Variants in ARHGAP18 observed in about 807,000 individuals in gnomAD.
ARHGAP18 encodes Rho GTPase activating protein 18.
ARHGAP18 carries 67 observed loss-of-function variants against 86.2 expected under a neutral mutation model. The ratio of observed to expected loss-of-function variants is 0.78; its 90% CI spans 0.64 to 0.95. The LOEUF is 0.95. ARHGAP18 is among the 40% of genes least tolerant of loss of function. The probability of loss-of-function intolerance (pLI) is 0.00; values close to 1 mark genes in which losing one functional copy is unlikely to be tolerated. For synonymous variants in ARHGAP18, 283 were observed against 280.4 expected, an observed-to-expected ratio of 1.01 and a Z score of -0.09; for missense variants, 691 against 780.4, an observed-to-expected ratio of 0.89 and a Z score of 1.37.
At chr6:129,643,488 C>T (rs1325897816) in intron 1 of ARHGAP18, among the ~76,000 whole-genome samples, 1 of 152,158 alleles carries the variant, frequency 6.6e-6, no homozygotes, top group Non-Finnish European at 1.5e-5. Flanking sequence ...CTGAGGCTTC[C>T]CCAGCCATAC....
chr6:129,628,305 C>T (rs949518181), intron 5 of ARHGAP18, among the ~76,000 whole-genome samples: 2 of 152,032 alleles, frequency 1.3e-5, no homozygotes, highest in Admixed American at 6.6e-5. Flanking sequence ...GAAGCAATTA[C>T]GGAAGACTGT....
At chr6:129,585,841 C>T (rs1222723731) in intron 12 of ARHGAP18, among the ~76,000 whole-genome samples, 2 of 152,192 alleles carry the variant, frequency 1.3e-5, no homozygotes, top group Non-Finnish European at 2.9e-5. Flanking sequence ...CAATTCCAAG[C>T]CCCCAATTCC....
chr6:129,673,803 G>A (rs1774182296), intron 1 of ARHGAP18, among the ~76,000 whole-genome samples: 1 of 151,962 alleles, frequency 6.6e-6, no homozygotes, highest in Non-Finnish European at 1.5e-5. Flanking sequence ...TATTCTTTTA[G>A]GTTATTTTAT....
At chr6:129,592,667 C>A (rs1348490837) in intron 12 of ARHGAP18, among the ~76,000 whole-genome samples, 1 of 151,992 alleles carries the variant, frequency 6.6e-6, no homozygotes, top group African/African-American at 2.4e-5. Context: ...CACTCTGTAC[C>A]CTCACTCTCA....
intron 1 of ARHGAP18, among the ~76,000 whole-genome samples, chr6:129,694,291 G>A (rs1774576853): frequency 6.6e-6 from 1 of 152,152 alleles, no homozygotes; most frequent in Non-Finnish European, 1.5e-5. Context: ...AAATTGCCTA[G>A]GTCTAAATCT....
chr6:129,625,879 TTTATATA>T (rs1270123008), intron 5 of ARHGAP18, among the ~76,000 whole-genome samples: 543 of 70,098 alleles, frequency 7.7e-3, no homozygotes, highest in African/African-American at 0.031. Flanking sequence ...ATATTATATA[TTTATATA>T]TTATATATTA....
In ARHGAP18 at chr6:129,704,520, T is replaced by C. The variant is rs73594423; in HGVS notation, c.113+5504A>G. On this transcript the variant is annotated intron_variant, in intron 1 of 14. Coordinates refer to ENST00000368149, the MANE Select transcript of ARHGAP18 (RefSeq NM_033515.3). ...TTACCCCAGCCCCCTTATGCCCCTC[T>C]GCAAGTCCTCCCTATCTAAATTAAT... 1.2e-3 allele frequency among the ~76,000 whole-genome samples: 185 copies of C among 152,242 alleles called. 1 individual carries two copies. The highest frequency in any genetic ancestry group is 4.3e-3 in the African/African-American group (180 of 41,526).
intron 1 of ARHGAP18, among the ~76,000 whole-genome samples, chr6:129,679,553 C>G (rs1439880092): frequency 6.6e-6 from 1 of 152,196 alleles, no homozygotes; most frequent in Admixed American, 6.5e-5. Context: ...GGAATACAGA[C>G]AAACACACAT....
chr6:129,634,166 G>T, intron 3 of ARHGAP18, 61 bp from the exon 4 acceptor site: 1 of 1,455,056 alleles, frequency 6.9e-7, no homozygotes, highest in East Asian at 2.3e-5. Context: ...AAATGGTACT[G>T]TAAATAATTT....
At chr6:129,620,795 G>C (rs1056440649) in intron 5 of ARHGAP18, among the ~76,000 whole-genome samples, 1 of 152,072 alleles carries the variant, frequency 6.6e-6, no homozygotes, top group East Asian at 1.9e-4. Context: ...GACCATTGGG[G>C]GTATCCAATA....
intron 1 of ARHGAP18, among the ~76,000 whole-genome samples, chr6:129,664,795 A>G (rs1205444540): frequency 1.3e-5 from 2 of 152,202 alleles, no homozygotes; most frequent in Non-Finnish European, 2.9e-5. Flanking sequence ...AAGATGTATA[A>G]CCAGTCAGGT....
intron 5 of ARHGAP18, among the ~76,000 whole-genome samples, chr6:129,625,037 T>G (rs1467073422): frequency 8.6e-5 from 5 of 58,408 alleles, no homozygotes; most frequent in African/African-American, 2.9e-4. Flanking sequence ...TGATATATAT[T>G]TATATAATAT....
intron 14 of ARHGAP18, among the ~76,000 whole-genome samples, chr6:129,578,920 C>T (rs558532851): frequency 4.6e-5 from 7 of 151,894 alleles, no homozygotes; most frequent in Non-Finnish European, 7.4e-5. Flanking sequence ...GCTGAGATTG[C>T]GCCACTGCAC....
At chr6:129,703,935 T>C (rs1365570117) in intron 1 of ARHGAP18, among the ~76,000 whole-genome samples, 1 of 152,084 alleles carries the variant, frequency 6.6e-6, no homozygotes, top group Non-Finnish European at 1.5e-5. Context: ...CACAATTGCA[T>C]TATAAAAACT....
intron 1 of ARHGAP18, among the ~76,000 whole-genome samples, chr6:129,650,184 A>G (rs1393101776): frequency 1.3e-5 from 2 of 151,258 alleles, no homozygotes; most frequent in Admixed American, 1.3e-4. Flanking sequence ...TAGGCCTCCC[A>G]AAGTGCTGAG....
rs1241738137 is a variant in ARHGAP18 at position 129,584,156 on chromosome 6, G to C, written c.1714-44C>G. ...ACTGGAACAAAGCTGGCAGCAGCTG[G>C]AACGTGTAACTCTACAATGCATTAT... On this transcript the variant is annotated intron_variant, in intron 12 of 14. Coordinates refer to ENST00000368149, the MANE Select transcript of ARHGAP18 (RefSeq NM_033515.3). The C allele has an allele frequency of 2.5e-6, 4 of 1,610,944 alleles. No homozygotes were observed. The Admixed American group carries it at 6.7e-5, about 27-fold the overall frequency.
rs79446184 is a variant in ARHGAP18, at chr6:129,655,527, A to G, written c.114-13509T>C. On this transcript the variant is annotated intron_variant, in intron 1 of 14. Coordinates refer to ENST00000368149, the MANE Select transcript of ARHGAP18 (RefSeq NM_033515.3). ...GAACTTCCTTTACCATCTTGCCAGA[A>G]TAAGTCTACAGAAAGATCAAGGTTG... is the stretch of plus-strand genomic sequence containing the variant. Among the ~76,000 whole-genome samples the G allele has an allele frequency of 4.5e-3, 690 of 152,128 alleles. 18 individuals carry two copies. Among genetic ancestry groups the G allele is most frequent in the Non-Finnish European group, 1.1e-3 (74 of 67,988 alleles).
At chr6:129,663,281 G>C (rs1297684219) in intron 1 of ARHGAP18, among the ~76,000 whole-genome samples, 1 of 152,220 alleles carries the variant, frequency 6.6e-6, no homozygotes, top group Admixed American at 6.5e-5. Context: ...ATCTGAAGAA[G>C]AGCAGCAAAT....
In ARHGAP18 at chr6:129,613,211, C is replaced by T. The variant is rs377634976; in HGVS notation, c.1045-1601G>A. Among the ~76,000 whole-genome samples the T allele has an allele frequency of 1.5e-4, 20 of 136,348 alleles. No homozygotes were observed. The Middle Eastern group carries it at 0.014, about 93-fold the overall frequency. 89.4% of individuals were successfully genotyped at this position (136,348 alleles called of 152,430 possible). On this transcript the variant is annotated intron_variant, in intron 7 of 14. Coordinates refer to ENST00000368149, the MANE Select transcript of ARHGAP18 (RefSeq NM_033515.3). ...TCGCAACAGTGCACTCCAGCCTGGG[C>T]GACAGAGCGAGACTCTGTCTCAAAA...
Sources: gnomAD v4.1 joint callset for allele counts (sites outside exome capture counted in the v4.1 genomes callset) on GRCh38, gnomAD v4.1.1 for gene constraint, MANE v1.5 for transcripts, NCBI Gene and HGNC (gene_info 2026-07-23, HGNC 2026-07-21) for gene names.